The following CYP4X1 variants were observed in gnomAD, a reference collection of about 807,000 sequenced individuals.
CYP4X1 encodes the protein cytochrome P450 4X1.
A neutral mutation model predicts 57.9 loss-of-function variants in CYP4X1; 44 were observed. That is an observed-to-expected ratio of 0.76 (90% confidence interval 0.60 to 0.98). The LOEUF is 0.98. CYP4X1 is among the 50% of genes least tolerant of loss of function. The pLI is 0.00. For synonymous variants in CYP4X1, 227 were observed against 228.6 expected (o/e 0.99, Z 0.06); for missense variants, 532 against 623.9 (o/e 0.85, Z 1.57).
intron 6 of CYP4X1, among the ~76,000 whole-genome samples, chr1:47,037,217 A>G (rs1644193752): frequency 1.3e-5 from 2 of 152,248 alleles, no homozygotes; most frequent in East Asian, 1.9e-4. Context: ...GCAAAATGCA[A>G]AGTGTTAGGG....
chr1:47,002,247 A>G, the CYP4X1 span, among the ~76,000 whole-genome samples: 1 of 152,232 alleles, frequency 6.6e-6, no homozygotes. Flanking sequence ...ATCACACTGC[A>G]CAGGACTTGA....
At chr1:46,964,951 CCCTAGCCTCACTGCCG>C in the CYP4X1 span, among the ~76,000 whole-genome samples, 3 of 152,166 alleles carry the variant, frequency 2.0e-5, no homozygotes, top group African/African-American at 7.2e-5. Context: ...GGCGCTCCTC[CCCTAGCCTCACTGCCG>C]CCTTGCAGTT....
At chr1:47,033,968 C>A (rs948532968) in intron 4 of CYP4X1, among the ~76,000 whole-genome samples, 1 of 152,206 alleles carries the variant, frequency 6.6e-6, no homozygotes, top group African/African-American at 2.4e-5. Flanking sequence ...AACTGGAAAT[C>A]TCAGAGCATT....
chr1:46,969,366 T>C, the CYP4X1 span, among the ~76,000 whole-genome samples: 1 of 152,206 alleles, frequency 6.6e-6, no homozygotes, highest in Non-Finnish European at 1.5e-5. Flanking sequence ...CTGTCTCAGA[T>C]AATCCTTTAT....
intron 1 of CYP4X1, among the ~76,000 whole-genome samples, chr1:47,028,912 C>CT (rs1355604042): frequency 6.6e-6 from 1 of 152,244 alleles, no homozygotes; most frequent in Admixed American, 6.5e-5. Context: ...GTGCTTATCA[C>CT]TGGCTTGATT....
chr1:46,981,424 A>G, the CYP4X1 span, among the ~76,000 whole-genome samples: 8 of 152,218 alleles, frequency 5.3e-5, no homozygotes, highest in African/African-American at 1.9e-4. Context: ...AATCAAAACC[A>G]CAATGAGATA....
chr1:46,967,423 G>T, the CYP4X1 span, among the ~76,000 whole-genome samples: 1 of 152,236 alleles, frequency 6.6e-6, no homozygotes, highest in Non-Finnish European at 1.5e-5. Context: ...GGGGCAGACA[G>T]GCTGGAGGGC....
intron 8 of CYP4X1, among the ~76,000 whole-genome samples, chr1:47,042,355 G>T (rs1447763116): frequency 6.6e-6 from 1 of 151,434 alleles, no homozygotes; most frequent in South Asian, 2.1e-4. Context: ...TGAATCTTTG[G>T]GTAGTATGGA....
At chr1:47,049,592 C>A in intron 11 of CYP4X1, 88 bp downstream of exon 11, 1 of 1,194,848 alleles carries the variant, frequency 8.4e-7, no homozygotes, top group Non-Finnish European at 1.2e-6. Flanking sequence ...TCTATACATT[C>A]TTCCAGGGAA....
chr1:46,966,700 G>A, the CYP4X1 span, among the ~76,000 whole-genome samples: 5 of 152,098 alleles, frequency 3.3e-5, no homozygotes, highest in East Asian at 9.6e-4. Flanking sequence ...ATGGACTGCA[G>A]CTGCTTATAA....
At chr1:47,043,691 G>T (rs1644271891) in intron 8 of CYP4X1, among the ~76,000 whole-genome samples, 1 of 152,062 alleles carries the variant, frequency 6.6e-6, no homozygotes, top group African/African-American at 2.4e-5. Flanking sequence ...CCAGTTTCAT[G>T]CTTCTACATG....
At chr1:46,976,043 G>C in the CYP4X1 span, among the ~76,000 whole-genome samples, 2 of 152,046 alleles carry the variant, frequency 1.3e-5, no homozygotes, top group African/African-American at 4.8e-5. Flanking sequence ...GCAGAAGATG[G>C]GTGATTTCTG....
chr1:47,051,358 G>C (rs1284563740), downstream of CYP4X1, among the ~76,000 whole-genome samples: 1 of 143,758 alleles, frequency 7.0e-6, no homozygotes, highest in African/African-American at 2.6e-5. Context: ...CAGCCTGGGC[G>C]ACAGAGCGAG....
At chr1:47,048,442 C>T in intron 9 of CYP4X1, 123 bp from the exon 10 acceptor site, 2 of 1,027,296 alleles carry the variant, frequency 1.9e-6, no homozygotes, top group Non-Finnish European at 3.1e-6. Context: ...TCATCAGCTA[C>T]AGCAGGCAGA....
At chr1:46,965,370 T>C in the CYP4X1 span, among the ~76,000 whole-genome samples, 3 of 152,254 alleles carry the variant, frequency 2.0e-5, no homozygotes, top group East Asian at 5.8e-4. Context: ...AGACTGGAGC[T>C]GATCCTATTC....
the CYP4X1 span, among the ~76,000 whole-genome samples, chr1:46,974,383 G>A: frequency 1.3e-5 from 2 of 152,104 alleles, no homozygotes; most frequent in Non-Finnish European, 2.9e-5. Flanking sequence ...TGTGTGCAGA[G>A]GAGAAGAATG....
chr1:47,020,934 G>A (rs1311656009), upstream of CYP4X1, among the ~76,000 whole-genome samples: 2 of 151,848 alleles, frequency 1.3e-5, no homozygotes, highest in Admixed American at 6.6e-5. Flanking sequence ...CTACTCATTG[G>A]CCTTCATTTC....
chr1:46,962,343 C>T, the CYP4X1 span, among the ~76,000 whole-genome samples: 5 of 152,112 alleles, frequency 3.3e-5, no homozygotes, highest in Non-Finnish European at 5.9e-5. Context: ...GTCTCAAACT[C>T]CTGACCTCAA....
At chr1:46,981,412 C>G in the CYP4X1 span, among the ~76,000 whole-genome samples, 1 of 152,100 alleles carries the variant, frequency 6.6e-6, no homozygotes, top group South Asian at 2.1e-4. Flanking sequence ...CAGAGAAATG[C>G]AAATCAAAAC....
Sources: gnomAD v4.1 joint callset for allele counts (sites outside exome capture counted in the v4.1 genomes callset) on GRCh38, gnomAD v4.1.1 for gene constraint, MANE v1.5 for transcripts, NCBI Gene and HGNC (gene_info 2026-07-23, HGNC 2026-07-21) for gene names.